Variants in CES1 observed in about 807,000 individuals in gnomAD.
CES1 encodes carboxylesterase 1, also known as liver carboxylesterase 1.
A neutral mutation model predicts 53.0 loss-of-function variants in CES1; 50 were observed. The ratio of observed to expected loss-of-function variants is 0.94; its 90% CI spans 0.75 to 1.19. CES1 has a LOEUF of 1.19. Among genes scored for constraint, CES1 ranks in the 50% most tolerant of loss-of-function variants. The probability of loss-of-function intolerance (pLI) is 0.00; values close to 1 mark genes in which losing one functional copy is unlikely to be tolerated. For missense variants in CES1, 534 were observed against 538.0 expected, an observed-to-expected ratio of 0.99 and a Z score of 0.07; for synonymous variants, 202 against 210.1, an observed-to-expected ratio of 0.96 and a Z score of 0.33.
intron 9 of CES1, among the ~76,000 whole-genome samples, chr16:55,812,663 C>T (rs1192442906): frequency 2.0e-5 from 3 of 152,142 alleles, no homozygotes; most frequent in Non-Finnish European, 2.9e-5. Context: ...ACAGACACTT[C>T]AGGATTCTTC....
chr16:55,820,599 G>A, intron 5 of CES1, 120 bp from the exon 6 acceptor site: 1 of 1,529,340 alleles, frequency 6.5e-7, no homozygotes, highest in Non-Finnish European at 9.0e-7. Context: ...GAATCCAGTA[G>A]TGGGCTGACC....
chr16:55,820,884 C>A (rs2032155135), intron 5 of CES1, among the ~76,000 whole-genome samples: 1 of 152,178 alleles, frequency 6.6e-6, no homozygotes, highest in Non-Finnish European at 1.5e-5. Context: ...AGCCATCAGA[C>A]CACCCCAGAG....
chr16:55,811,270 G>C (rs1298266749), intron 9 of CES1, among the ~76,000 whole-genome samples: 1 of 151,308 alleles, frequency 6.6e-6, no homozygotes, highest in Non-Finnish European at 1.5e-5. Flanking sequence ...TGCAGTGTGT[G>C]TGTGTGCGCG....
intron 8 of CES1, among the ~76,000 whole-genome samples, chr16:55,813,306 T>C (rs2031787225): frequency 6.6e-6 from 1 of 152,158 alleles, no homozygotes; most frequent in African/African-American, 2.4e-5. Flanking sequence ...TATGTAAAAT[T>C]ACATGTCTAT....
intron 1 of CES1, among the ~76,000 whole-genome samples, chr16:55,831,235 C>G (rs2142361037): frequency 6.6e-6 from 1 of 152,234 alleles, no homozygotes; most frequent in South Asian, 2.1e-4. Flanking sequence ...GAGAACGTTC[C>G]CATGTCTTTG....
At chr16:55,828,403 A>T (rs1380586979) in intron 2 of CES1, among the ~76,000 whole-genome samples, 1 of 152,216 alleles carries the variant, frequency 6.6e-6, no homozygotes, top group Admixed American at 6.5e-5. Context: ...TCACCTGCTT[A>T]ACTGCTTCTT....
chr16:55,811,275 T>C (rs561368887), intron 9 of CES1, among the ~76,000 whole-genome samples: 174 of 151,378 alleles, frequency 1.1e-3, no homozygotes, highest in African/African-American at 4.0e-3. Context: ...TGTGTGTGTG[T>C]GCGCGCGTGT....
intron 4 of CES1, among the ~76,000 whole-genome samples, chr16:55,822,930 A>T (rs114765581): frequency 6.6e-6 from 1 of 152,034 alleles, no homozygotes; most frequent in South Asian, 2.1e-4. Flanking sequence ...AAAGGTTCAT[A>T]GCAGTTGCGC....
rs116372141 is a variant in CES1 at position 55,809,915 on chromosome 16, A to G, written c.1318+602T>C. Among the ~76,000 whole-genome samples, 933 of 152,304 alleles carry G rather than the reference A, an allele frequency of 6.1e-3. 13 individuals are homozygous for G. The highest frequency in any genetic ancestry group is 0.022 in the African/African-American group (901 of 41,554). On this transcript the variant is annotated intron_variant, in intron 11 of 13. Coordinates refer to ENST00000360526, the MANE Select transcript of CES1 (RefSeq NM_001025195.2). ...TCCAGGCATGGAGCCCTTGCAGCAGATGCTGCCAGGGTCTCACCTATATCC... is the reference window on the plus strand; with the variant it reads ...TCCAGGCATGGAGCCCTTGCAGCAGGTGCTGCCAGGGTCTCACCTATATCC...
chr16:55,810,852 A>C, intron 10 of CES1, 75 bp downstream of exon 10: 8 of 1,447,768 alleles, frequency 5.5e-6, no homozygotes, highest in Middle Eastern at 2.0e-4. Context: ...TCTGCCATTT[A>C]ATTGCTCTAT....
intron 3 of CES1, among the ~76,000 whole-genome samples, chr16:55,825,064 C>T (rs1184967659): frequency 2.0e-5 from 3 of 152,132 alleles, no homozygotes; most frequent in Non-Finnish European, 4.4e-5. Context: ...TCTCTACAGC[C>T]CAGAAGGCAA....
chr16:55,832,837 A>AGGCTGGCCG (rs1163633910), intron 1 of CES1, among the ~76,000 whole-genome samples, 167 bp downstream of exon 1: 1 of 152,228 alleles, frequency 6.6e-6, no homozygotes, highest in Non-Finnish European at 1.5e-5. Context: ...CGCGCGGGCC[A>AGGCTGGCCG]GGCTGGCCGG....
intron 1 of CES1, among the ~76,000 whole-genome samples, chr16:55,830,574 A>C (rs1472669543): frequency 6.6e-6 from 1 of 152,172 alleles, no homozygotes; most frequent in Non-Finnish European, 1.5e-5. Context: ...AGGCCAAGGC[A>C]GGCAGATCAT....
rs544841527 is a variant in CES1, at chr16:55,816,983, G to A, written c.907-21C>T. On this transcript the variant is annotated intron_variant, in intron 7 of 13. Transcript: ENST00000360526. ...AATTTCTGTGAAGACAAAGGCAGAG[G>A]ATGTGGGTGAGAGGCTTACCAGGAG... 703 of 1,614,088 alleles carry A rather than the reference G, an allele frequency of 4.4e-4. 5 individuals are homozygous for A. The South Asian group carries it at 7.2e-3, about 16-fold the overall frequency.
chr16:55,828,177 A>G lies in CES1; in HGVS notation c.260+590T>C, dbSNP rs1246527479. On this transcript the variant is annotated intron_variant, in intron 2 of 13. Coordinates refer to ENST00000360526, the MANE Select transcript of CES1 (RefSeq NM_001025195.2). The stretch of plus-strand genomic sequence containing the variant: ...ACCCTGGGGAGTGATGGTGAGGCCA[A>G]TTAGAACCTTTGGGCTTTTCTTCCC... The G allele has an allele frequency of 1.8e-4, 34 of 185,648 alleles. No individual in the cohort carries two copies. In the South Asian group the frequency reaches 2.2e-3, roughly 12 times the overall value. The allele number at this position is 185,648 out of a possible 1,614,324, so 11.5% of individuals were successfully genotyped here.
Position 55,826,356 on chromosome 16 carries a change from C to G in CES1, c.261-61G>C, listed in dbSNP as rs375059282. On this transcript the variant is annotated intron_variant, in intron 2 of 13. Coordinates refer to ENST00000360526, the MANE Select transcript of CES1 (RefSeq NM_001025195.2). ...CCAGATCTAAGCGAGGTGTTTTCTACGGCAGCGCCTTGGACTGGGAGGTTT... is the reference window on the plus strand; with the variant it reads ...CCAGATCTAAGCGAGGTGTTTTCTAGGGCAGCGCCTTGGACTGGGAGGTTT... 1.5e-3 allele frequency: 2,363 copies of G among 1,595,430 alleles called. 23 individuals are homozygous for G. The African/African-American group carries it at 0.021, about 14-fold the overall frequency.
At chr16:55,812,761 C>T in intron 9 of CES1, 142 bp downstream of exon 9, 1 of 1,221,714 alleles carries the variant, frequency 8.2e-7, no homozygotes, top group Non-Finnish European at 1.2e-6. Context: ...GAGAAGATTT[C>T]CGTGGAAATG....
intron 8 of CES1, among the ~76,000 whole-genome samples, chr16:55,813,665 G>A (rs1442636447): frequency 2.6e-5 from 4 of 152,090 alleles, no homozygotes; most frequent in African/African-American, 4.8e-5. Flanking sequence ...CAAATGCACG[G>A]CCAGCAGCAC....
At chr16:55,819,772 G>T (rs2032097762) in intron 6 of CES1, 133 bp from the exon 7 acceptor site, 2 of 807,190 alleles carry the variant, frequency 2.5e-6, no homozygotes, top group Non-Finnish European at 4.3e-6. Context: ...GTAGACCCGT[G>T]GGTGTGGGTT....
Sources: allele counts gnomAD v4.1 joint callset (sites outside exome capture counted in the v4.1 genomes callset), GRCh38; gene constraint gnomAD v4.1.1; transcripts MANE v1.5; gene names NCBI Gene and HGNC (gene_info 2026-07-23, HGNC 2026-07-21).